PLAGL1: variants seen among roughly 807,000 people sequenced by gnomAD.
PLAGL1 encodes the protein PLAG1 like zinc finger 1, also known as zinc finger protein PLAGL1.
Under a neutral mutation model 4.6 loss-of-function variants are expected in PLAGL1, and 1 was observed. The observed-to-expected ratio is 0.22, with a 90% CI of 0.08 to 1.03. The LOEUF is 1.03. Among genes scored for constraint, PLAGL1 ranks in the 50% least tolerant of loss-of-function variants. The probability of loss-of-function intolerance (pLI) is 0.58; values close to 1 mark genes in which losing one functional copy is unlikely to be tolerated. For missense variants in PLAGL1, 464 were observed against 570.4 expected (o/e 0.81, Z 1.90); for synonymous variants, 240 against 237.8 (o/e 1.01, Z -0.08).
At chr6:143,996,698 A>G (rs1017588041) in intron 1 of PLAGL1, among the ~76,000 whole-genome samples, 7 of 151,674 alleles carry the variant, frequency 4.6e-5, no homozygotes, top group African/African-American at 1.7e-4. Flanking sequence ...GTAGACGAAC[A>G]GAACAAGGAT....
intron 1 of PLAGL1, among the ~76,000 whole-genome samples, chr6:144,042,999 G>A (rs1046682098): frequency 2.0e-5 from 3 of 152,178 alleles, no homozygotes; most frequent in Non-Finnish European, 4.4e-5. Flanking sequence ...GTATAGGAAT[G>A]CTTGTGATTT....
chr6:144,041,002 G>A (rs1196713979), intron 1 of PLAGL1, among the ~76,000 whole-genome samples: 2 of 152,158 alleles, frequency 1.3e-5, no homozygotes, highest in Non-Finnish European at 2.9e-5. Context: ...AGTTAGAAAG[G>A]GATCTGTGGT....
Position 143,954,026 on chromosome 6 carries a change from G to A in PLAGL1, c.-324-5566C>T, listed in dbSNP as rs1248865118. On this transcript the variant is annotated intron_variant, in intron 6 of 7. Transcript: ENST00000674357. This position sits in a 1 kb window ranked among gnomAD's most constrained non-coding sequence, Gnocchi z 5.1. ...GGGAGTAGCCTGACACAGGGTGAAT[G>A]TCCTCTCTCTCAGGGCAGGAGGATG... Among the ~76,000 whole-genome samples the A allele has an allele frequency of 6.6e-6, 1 of 152,160 alleles. No individual in the cohort carries two copies. Among genetic ancestry groups the A allele is most frequent in the Non-Finnish European group, 1.5e-5 (1 of 68,032 alleles).
chr6:144,027,743 T>C lies in PLAGL1; in HGVS notation c.-151+36725A>G, dbSNP rs1421452087. 6.6e-6 allele frequency among the ~76,000 whole-genome samples: 1 copy of C among 151,970 alleles called. No individual in the cohort carries two copies. The highest frequency in any genetic ancestry group is 1.5e-5 in the Non-Finnish European group (1 of 68,026). The stretch of plus-strand genomic sequence containing the variant: ...AAAAGTCTCTTTAGTGGGAAACACT[T>C]CGCTCTGTCAGGGAAATGTTAATCA... On this transcript the variant is annotated intron_variant, in intron 1 of 3. Transcript: ENST00000437412. The surrounding 1 kb of genome is among the most constrained non-coding windows in gnomAD (Gnocchi z 5.8).
chr6:144,018,407 G>A (rs550625618), intron 1 of PLAGL1, among the ~76,000 whole-genome samples: 9 of 152,222 alleles, frequency 5.9e-5, no homozygotes, highest in African/African-American at 1.4e-4. Flanking sequence ...AGCGGGTATT[G>A]GTCAAAGGAC....
chr6:143,948,199 C>CCATCGTTCTGTTTGTGCTT lies in PLAGL1; in HGVS notation c.-64_-63insAAGCACAAACAGAACGATG. On this transcript the variant is annotated 5_prime_UTR_variant, in exon 7 of 8. In the 5' UTR this introduces an upstream ATG that the reference lacks. Transcript: ENST00000674357. This position sits in a 1 kb window ranked among gnomAD's most constrained non-coding sequence, Gnocchi z 6.0. ...GACCAAATGCTGTGCCATTTAAGCA[C>CCATCGTTCTGTTTGTGCTT]AAACAGAACGATGGTGCTGGGCACA... 3 of 1,489,552 alleles carry CCATCGTTCTGTTTGTGCTT rather than the reference C, an allele frequency of 2.0e-6. No individual in the cohort carries two copies. The highest frequency in any genetic ancestry group is 2.8e-6 in the Non-Finnish European group (3 of 1,073,900). The allele number at this position is 1,489,552 out of a possible 1,614,324, so 92.3% of individuals were successfully genotyped here.
chr6:143,941,488 G>A lies in PLAGL1; in HGVS notation c.1328C>T (p.Pro443Leu). The change falls in exon 8 of 8, where the codon CCT becomes CTT. Residue 443 changes from proline to leucine, a missense_variant. By Grantham distance (98) the Pro-to-Leu change is moderately conservative. Transcript: ENST00000674357. This position sits in a 1 kb window ranked among gnomAD's most constrained non-coding sequence, Gnocchi z 6.0. ...GCCAGTGCCAGCTGAGAACACATGA[G>A]GGATGGGGGGCAGGGGGAGCTGGCC... ...SLGQLPLPPI[P>L]HVFSAGTGSA... 1 of 1,524,154 alleles carries A rather than the reference G, an allele frequency of 6.6e-7. No homozygotes were observed. Among genetic ancestry groups the A allele is most frequent in the Non-Finnish European group, 8.8e-7 (1 of 1,137,482 alleles). 94.4% of individuals were successfully genotyped at this position (1,524,154 alleles called of 1,614,324 possible).
chr6:143,991,890 G>C (rs937303040), intron 1 of PLAGL1, among the ~76,000 whole-genome samples: 4 of 152,336 alleles, frequency 2.6e-5, no homozygotes, highest in Non-Finnish European at 5.9e-5. Flanking sequence ...TGTGGACATA[G>C]TGGGCAGAGT....
Position 143,947,937 on chromosome 6 carries a change from CA to C in PLAGL1, c.152+47del. 2 of 1,537,788 alleles carry C rather than the reference CA, an allele frequency of 1.3e-6. No individual in the cohort carries two copies. Among genetic ancestry groups the C allele is most frequent in the Non-Finnish European group, 1.8e-6 (2 of 1,113,940 alleles). ...CGTGTGGTCTGAGGGCTAGAAAAGC[CA>C]TTTAAACGTACTTCTAAAAGTGCAT... On this transcript the variant is annotated intron_variant, in intron 7 of 7. Coordinates refer to ENST00000674357, the MANE Select transcript of PLAGL1 (RefSeq NM_001317162.2). The surrounding 1 kb of genome is among the most constrained non-coding windows in gnomAD (Gnocchi z 4.3).
intron 1 of PLAGL1, among the ~76,000 whole-genome samples, chr6:144,017,194 T>G (rs1256553477): frequency 1.3e-5 from 2 of 152,230 alleles, no homozygotes; most frequent in Non-Finnish European, 2.9e-5. Context: ...CCTGTATACA[T>G]ATGTAGTTTT....
intron 1 of PLAGL1, among the ~76,000 whole-genome samples, chr6:144,060,350 T>G (rs1197441614): frequency 6.6e-6 from 1 of 152,176 alleles, no homozygotes; most frequent in Non-Finnish European, 1.5e-5. Context: ...GGCCAGCCTG[T>G]GTCACAGCAT....
Position 143,985,777 on chromosome 6 carries a change from C to G in PLAGL1, c.-583-603G>C, listed in dbSNP as rs562802542. 3.2e-4 allele frequency among the ~76,000 whole-genome samples: 48 copies of G among 151,218 alleles called. No homozygotes were observed. Among genetic ancestry groups the G allele is most frequent in the Non-Finnish European group, 6.6e-4 (45 of 67,804 alleles). ...AGATCACTCATTTCAAAAATCAAAA[C>G]GCAAAAAGTAAGGGAGTCAGAAATG... On this transcript the variant is annotated intron_variant, in intron 1 of 7. Transcript: ENST00000674357. The surrounding 1 kb of genome is among the most constrained non-coding windows in gnomAD (Gnocchi z 4.4).
intron 1 of PLAGL1, among the ~76,000 whole-genome samples, chr6:144,002,866 A>G (rs1236421950): frequency 1.4e-5 from 2 of 145,512 alleles, no homozygotes; most frequent in Admixed American, 1.4e-4. Context: ...TGCAATCCCA[A>G]TCAAAATTCT....
At chr6:144,019,963 C>T (rs1795852986) in intron 1 of PLAGL1, among the ~76,000 whole-genome samples, 1 of 152,072 alleles carries the variant, frequency 6.6e-6, no homozygotes, top group South Asian at 2.1e-4. Context: ...TTTGTGTCCC[C>T]CTGCAAATTA....
At position 143,997,604 on chromosome 6, in the gene PLAGL1, G is replaced by A. The variant is rs771278244; in HGVS notation, c.-584+10486C>T. Among the ~76,000 whole-genome samples, 1 of 152,152 alleles carries A rather than the reference G, an allele frequency of 6.6e-6. No individual in the cohort carries two copies. Among genetic ancestry groups the A allele is most frequent in the Non-Finnish European group, 1.5e-5 (1 of 68,032 alleles). ...CAGGTGGGAGGATCGCTTGAGCCTG[G>A]GAGGTTGAGGCTGCTGTGAACTGTC... On this transcript the variant is annotated intron_variant, in intron 1 of 7. Transcript: ENST00000674357. The surrounding 1 kb of genome is among the most constrained non-coding windows in gnomAD (Gnocchi z 4.6).
intron 1 of PLAGL1, among the ~76,000 whole-genome samples, chr6:144,054,026 C>G (rs565454539): frequency 2.6e-5 from 4 of 151,212 alleles, no homozygotes; most frequent in Non-Finnish European, 1.5e-5. Context: ...CTATTTAACT[C>G]TAGGTCTTAA....
rs145269406 is a variant in PLAGL1 at position 143,950,186 on chromosome 6, G to A, written c.-324-1726C>T. On this transcript the variant is annotated intron_variant, in intron 6 of 7. Coordinates refer to ENST00000674357, the MANE Select transcript of PLAGL1 (RefSeq NM_001317162.2). The surrounding 1 kb of genome is among the most constrained non-coding windows in gnomAD (Gnocchi z 6.3). ...AACCAGGGGACACACAGGAGTCCTC[G>A]GCCAGCACCTTGGCACCACACCTTC... Among the ~76,000 whole-genome samples the A allele has an allele frequency of 1.5e-4, 23 of 152,232 alleles. No individual in the cohort carries two copies. The highest frequency in any genetic ancestry group is 2.6e-4 in the Admixed American group (4 of 15,292).
chr6:144,024,310 C>T (rs939152051), intron 1 of PLAGL1, among the ~76,000 whole-genome samples: 1 of 152,140 alleles, frequency 6.6e-6, no homozygotes, highest in Admixed American at 6.5e-5. Context: ...AGGGAATATA[C>T]AAGATGTACC....
rs1230621404 is a variant in PLAGL1 at position 143,959,575 on chromosome 6, A to C, written c.-325+894T>G. ...TTCAGTAGGAGTCGGAATACTATTT[A>C]ATAAACTATTTCAGTTGAGCTCATA... is the stretch of plus-strand genomic sequence containing the variant. On this transcript the variant is annotated intron_variant, in intron 6 of 7. Coordinates refer to ENST00000674357, the MANE Select transcript of PLAGL1 (RefSeq NM_001317162.2). The surrounding 1 kb of genome is among the most constrained non-coding windows in gnomAD (Gnocchi z 5.3). Among the ~76,000 whole-genome samples, 1 of 152,202 alleles carries C rather than the reference A, an allele frequency of 6.6e-6. No homozygotes were observed. The highest frequency in any genetic ancestry group is 1.5e-5 in the Non-Finnish European group (1 of 68,046).
Sources: allele counts gnomAD v4.1 joint callset (sites outside exome capture counted in the v4.1 genomes callset), GRCh38; gene constraint gnomAD v4.1.1; non-coding constraint Gnocchi (gnomAD v3.1); transcripts MANE v1.5; gene names NCBI Gene and HGNC (gene_info 2026-07-23, HGNC 2026-07-21).